TNR: variants seen among roughly 807,000 people sequenced by gnomAD.
TNR encodes the protein tenascin R, also known as tenascin-R.
Under a neutral mutation model 150.4 loss-of-function variants are expected in TNR, and 45 were observed. The observed-to-expected ratio is 0.30, with a 90% confidence interval of 0.24 to 0.38. The LOEUF (loss-of-function observed/expected upper bound fraction) is 0.38, where lower values mean the gene tolerates loss of function less well. TNR is among the 10% of genes least tolerant of loss of function. The probability of loss-of-function intolerance (pLI) is 1.00; values close to 1 mark genes in which losing one functional copy is unlikely to be tolerated. For missense variants in TNR, 1,544 were observed against 1,759.1 expected (o/e 0.88, Z 2.19); for synonymous variants, 687 against 678.4 (o/e 1.01, Z -0.20).
chr1:175,424,829 G>A (rs989642927), intron 2 of TNR, among the ~76,000 whole-genome samples: 1 of 152,090 alleles, frequency 6.6e-6, no homozygotes, highest in African/African-American at 2.4e-5. Context: ...AGTGTGAGTG[G>A]AGCACAGTAA....
At chr1:175,518,195 C>A (rs1053087699) in intron 2 of TNR, among the ~76,000 whole-genome samples, 3 of 152,136 alleles carry the variant, frequency 2.0e-5, no homozygotes, top group African/African-American at 7.2e-5. Context: ...GACTTAAGAA[C>A]AAAATTTAGA....
chr1:175,728,553 T>C (rs973743282), intron 1 of TNR, among the ~76,000 whole-genome samples: 7 of 152,234 alleles, frequency 4.6e-5, no homozygotes, highest in Non-Finnish European at 8.8e-5. Context: ...GGCCTATAAC[T>C]TGTTTCTAAC....
chr1:175,623,575 C>CCT (rs1417532106), intron 1 of TNR, among the ~76,000 whole-genome samples: 1 of 152,202 alleles, frequency 6.6e-6, no homozygotes, highest in Non-Finnish European at 1.5e-5. Flanking sequence ...CCCACACTAA[C>CCT]CTCTACCTAA....
At chr1:175,402,513 A>C (rs933171110) in intron 4 of TNR, among the ~76,000 whole-genome samples, 1 of 152,136 alleles carries the variant, frequency 6.6e-6, no homozygotes, top group Admixed American at 6.5e-5. Context: ...AATATTCTGT[A>C]CTAATTGTTA....
intron 1 of TNR, chr1:175,539,132 A>T (rs1012897301): frequency 6.6e-6 from 1 of 152,254 alleles, no homozygotes; most frequent in African/African-American, 2.4e-5. Flanking sequence ...CACCAGAGGC[A>T]TGCTCCCAAA....
intron 1 of TNR, among the ~76,000 whole-genome samples, chr1:175,673,821 G>T (rs888096186): frequency 6.6e-6 from 1 of 152,246 alleles, no homozygotes; most frequent in Non-Finnish European, 1.5e-5. Flanking sequence ...AAAGCAATCA[G>T]TGTATAGTTA....
At chr1:175,672,726 TC>T (rs1665738991) in intron 1 of TNR, among the ~76,000 whole-genome samples, 1 of 152,128 alleles carries the variant, frequency 6.6e-6, no homozygotes, top group Non-Finnish European at 1.5e-5. Context: ...AGACCTGGGG[TC>T]CCACTGTTTC....
At chr1:175,421,284 GCAA>G (rs1196433609) in intron 2 of TNR, among the ~76,000 whole-genome samples, 4 of 152,310 alleles carry the variant, frequency 2.6e-5, no homozygotes, top group African/African-American at 9.6e-5. Context: ...GATTTCCCTA[GCAA>G]CAACTCAACA....
intron 1 of TNR, among the ~76,000 whole-genome samples, chr1:175,741,605 C>T (rs1036299166): frequency 1.2e-4 from 19 of 152,200 alleles, no homozygotes; most frequent in African/African-American, 4.3e-4. Flanking sequence ...ACCCTTACAA[C>T]CTCTGACTTC....
At chr1:175,368,444 C>T (rs1651936788) in intron 9 of TNR, among the ~76,000 whole-genome samples, 1 of 152,220 alleles carries the variant, frequency 6.6e-6, no homozygotes. Flanking sequence ...CCTACATCCA[C>T]TTATGAAAAT....
In TNR at chr1:175,355,530, G is replaced by C; in HGVS notation, c.3222C>G (p.Thr1074=). 6.2e-7 allele frequency: 1 copy of C among 1,614,008 alleles called. No individual in the cohort carries two copies. The highest frequency in any genetic ancestry group is 8.5e-7 in the Non-Finnish European group (1 of 1,179,898). The change falls in exon 17 of 23, where the codon ACC becomes ACG. Residue 1074 remains threonine (T), a synonymous_variant. Transcript: ENST00000367674. ...PRAEIENYVL[T]YKSTDGSRKE... ...TGCGGCTTCCATCGGTGGATTTGTA[G>C]GTCAAGACATAATTTTCAATCTCTG...
chr1:175,692,697 G>T (rs1196648249), intron 1 of TNR, among the ~76,000 whole-genome samples: 2 of 152,154 alleles, frequency 1.3e-5, no homozygotes, highest in African/African-American at 4.8e-5. Flanking sequence ...GAGAGGAGAG[G>T]AAGGTCTCAT....
intron 1 of TNR, among the ~76,000 whole-genome samples, chr1:175,719,577 A>T (rs1042284297): frequency 6.6e-6 from 1 of 152,238 alleles, no homozygotes; most frequent in Non-Finnish European, 1.5e-5. Context: ...TTGTCCTGGG[A>T]TGCAGTAAGC....
intron 2 of TNR, among the ~76,000 whole-genome samples, chr1:175,468,931 C>T (rs184329843): frequency 6.6e-6 from 1 of 151,990 alleles, no homozygotes; most frequent in Non-Finnish European, 1.5e-5. Context: ...GTGACAGTCA[C>T]TGAAGGCAGA....
intron 1 of TNR, among the ~76,000 whole-genome samples, chr1:175,573,468 T>C (rs376757700): frequency 6.6e-6 from 1 of 152,164 alleles, no homozygotes; most frequent in Non-Finnish European, 1.5e-5. Context: ...CAAAGTAAGA[T>C]GGAAAGAAGT....
At chr1:175,428,295 C>A (rs372821486) in intron 2 of TNR, among the ~76,000 whole-genome samples, 1 of 152,176 alleles carries the variant, frequency 6.6e-6, no homozygotes, top group East Asian at 1.9e-4. Context: ...CTAGAGGCTG[C>A]GTATCCCTGT....
chr1:175,509,759 C>A (rs1422092348), intron 2 of TNR, among the ~76,000 whole-genome samples: 1 of 152,166 alleles, frequency 6.6e-6, no homozygotes, highest in Non-Finnish European at 1.5e-5. Context: ...TCTTTCTAAC[C>A]AATAAAGAAT....
intron 2 of TNR, among the ~76,000 whole-genome samples, chr1:175,451,726 A>G (rs368474285): frequency 9.2e-5 from 14 of 152,328 alleles, no homozygotes; most frequent in African/African-American, 3.4e-4. Context: ...ATCTGCTCCC[A>G]GCTTGGCAGG....
At chr1:175,742,994 A>ACACACACACACC (rs1491394442) in intron 1 of TNR, among the ~76,000 whole-genome samples, 6 of 138,230 alleles carry the variant, frequency 4.3e-5, no homozygotes, top group African/African-American at 1.6e-4. Flanking sequence ...ACACACACAC[A>ACACACACACACC]CCCGCAAGGC....
Sources: allele counts gnomAD v4.1 joint callset (sites outside exome capture counted in the v4.1 genomes callset), GRCh38; gene constraint gnomAD v4.1.1; transcripts MANE v1.5; gene names NCBI Gene and HGNC (gene_info 2026-07-23, HGNC 2026-07-21).